SYNE1: variants seen among roughly 807,000 people sequenced by gnomAD.
SYNE1 encodes the protein nesprin-1.
A neutral mutation model predicts 1,111.0 loss-of-function variants in SYNE1; 616 were observed. The ratio of observed to expected loss-of-function variants is 0.55; its 90% CI spans 0.52 to 0.59. The LOEUF (loss-of-function observed/expected upper bound fraction) is 0.59, where lower values mean the gene tolerates loss of function less well. Among genes scored for constraint, SYNE1 ranks in the 20% least tolerant of loss-of-function variants. SYNE1 has a pLI of 0.00. For missense variants in SYNE1, 10,006 were observed against 10,417.0 expected, an observed-to-expected ratio of 0.96 and a Z score of 1.72; for synonymous variants, 3,855 against 3,825.8, an observed-to-expected ratio of 1.01 and a Z score of -0.28.
At chr6:152,458,114 T>C (rs1401105000) in intron 22 of SYNE1, among the ~76,000 whole-genome samples, 1 of 152,162 alleles carries the variant, frequency 6.6e-6, no homozygotes, top group African/African-American at 2.4e-5. Context: ...AAAAGTTTAA[T>C]GTAAATAAAT....
At chr6:152,134,984 G>A (rs1400264421) in intron 142 of SYNE1, 120 bp downstream of exon 142, 3 of 1,366,164 alleles carry the variant, frequency 2.2e-6, no homozygotes, top group Middle Eastern at 1.8e-4. Flanking sequence ...GTAAAGTAGA[G>A]ACTATAATGC....
rs751747080 is a variant in SYNE1 at position 152,309,863 on chromosome 6, G to T, written c.17174C>A (p.Thr5725Asn). 56 of 1,613,912 alleles carry T rather than the reference G, an allele frequency of 3.5e-5. No individual in the cohort carries two copies. In the Middle Eastern group the frequency reaches 1.8e-3, roughly 52 times the overall value. Residue 5725 changes from threonine (T) to asparagine (N), a missense_variant, in exon 90 of 146, where the codon ACC (threonine) becomes AAC (asparagine). Physicochemically the swap from Thr to Asn is moderately conservative, Grantham distance 65. Coordinates refer to ENST00000367255, the MANE Select transcript of SYNE1 (RefSeq NM_182961.4). ...CATGATGTTACACTGCTGGATGGCGGTGTGCTGCAGCCGGCTGGCCTCTTC... is the reference window on the plus strand; with the variant it reads ...CATGATGTTACACTGCTGGATGGCGTTGTGCTGCAGCCGGCTGGCCTCTTC... ...LQEEASRLQH[T>N]AIQQCNIMQE...
At chr6:152,180,880 C>T (rs953728011) in intron 128 of SYNE1, among the ~76,000 whole-genome samples, 18 of 152,036 alleles carry the variant, frequency 1.2e-4, no homozygotes, top group African/African-American at 3.1e-4. Flanking sequence ...AGGCAAGTTC[C>T]TCTACTTCTC....
intron 5 of SYNE1, among the ~76,000 whole-genome samples, chr6:152,523,377 T>C (rs570309757): frequency 1.6e-4 from 24 of 152,298 alleles, no homozygotes; most frequent in Middle Eastern, 6.8e-3. Context: ...TATTTGGCTT[T>C]ATTTCTGAGT....
chr6:152,132,802 A>G (rs2056135971), intron 143 of SYNE1, among the ~76,000 whole-genome samples: 1 of 152,196 alleles, frequency 6.6e-6, no homozygotes, highest in South Asian at 2.1e-4. Flanking sequence ...CTCAAAACCA[A>G]TAATACCACA....
intron 85 of SYNE1, 177 bp from the exon 86 acceptor site, chr6:152,318,440 T>G: frequency 7.1e-6 from 5 of 703,788 alleles, no homozygotes; most frequent in Non-Finnish European, 1.2e-5. Flanking sequence ...CAGGATATGT[T>G]GTAATGCTGG....
rs2056337983 is a variant in SYNE1 at position 152,133,498 on chromosome 6, C to T, written c.25789-10G>A. ...GCTCATGCTTTATTTGCTATGCATA[C>T]AAAAACAAATTAATTTTTCTAAGCA... On this transcript the variant is annotated splice_polypyrimidine_tract_variant and intron_variant, in intron 142 of 145. Coordinates refer to ENST00000367255, the MANE Select transcript of SYNE1 (RefSeq NM_182961.4). 1.2e-6 allele frequency: 2 copies of T among 1,613,524 alleles called. No homozygotes were observed. Among genetic ancestry groups the T allele is most frequent in the Non-Finnish European group, 8.5e-7 (1 of 1,179,606 alleles).
At chr6:152,367,828 A>G (rs77123160) in intron 61 of SYNE1, 9,784 of 208,118 alleles carry the variant, frequency 0.047, 1,001 homozygotes, top group African/African-American at 0.21. Flanking sequence ...GACCATACAC[A>G]TGGTTTTGTT....
intron 55 of SYNE1, 108 bp from the exon 56 acceptor site, chr6:152,381,470 A>C (rs2097414269): frequency 9.1e-7 from 1 of 1,095,836 alleles, no homozygotes; most frequent in African/African-American, 1.5e-5. Context: ...AGTTTTAACA[A>C]GTGTGCCACA....
At chr6:152,485,132 T>A (rs962170161) in intron 12 of SYNE1, among the ~76,000 whole-genome samples, 160 bp from the exon 13 acceptor site, 2 of 152,218 alleles carry the variant, frequency 1.3e-5, no homozygotes, top group African/African-American at 2.4e-5. Flanking sequence ...CAGCTGTCAT[T>A]CATCAAGCCC....
rs914557761 is a variant in SYNE1, at chr6:152,150,298, T to A, written c.24451-630A>T. On this transcript the variant is annotated intron_variant, in intron 135 of 145. Coordinates refer to ENST00000367255, the MANE Select transcript of SYNE1 (RefSeq NM_182961.4). ...GTTCACTTTTAATTCAATACAATAA[T>A]AAATTGTGGAAGAGCTGAATTGTCC... is the stretch of plus-strand genomic sequence containing the variant. 2.0e-5 allele frequency among the ~76,000 whole-genome samples: 3 copies of A among 152,326 alleles called. No individual in the cohort carries two copies. In the South Asian group the frequency reaches 6.2e-4, roughly 32 times the overall value.
chr6:152,198,046 A>C (rs924884738), intron 127 of SYNE1, among the ~76,000 whole-genome samples: 7 of 151,676 alleles, frequency 4.6e-5, no homozygotes, highest in African/African-American at 1.7e-4. Flanking sequence ...AGGAAGGTTA[A>C]AAGGAAAGAC....
chr6:152,586,026 A>G (rs935137582), intron 3 of SYNE1, among the ~76,000 whole-genome samples: 1 of 152,154 alleles, frequency 6.6e-6, no homozygotes, highest in Non-Finnish European at 1.5e-5. Flanking sequence ...AAATGATGAC[A>G]TGAATATTCT....
intron 62 of SYNE1, 142 bp from the exon 63 acceptor site, chr6:152,365,161 G>A (rs2154077405): frequency 9.6e-7 from 1 of 1,043,128 alleles, no homozygotes; most frequent in South Asian, 1.4e-5. Context: ...GACAGAGGGT[G>A]GGGAAGTGGC....
chr6:152,621,761 T>G (rs1362254269), intron 3 of SYNE1, among the ~76,000 whole-genome samples: 1 of 152,128 alleles, frequency 6.6e-6, no homozygotes, highest in African/African-American at 2.4e-5. Flanking sequence ...TTTCATAAAT[T>G]TATTAATAAA....
chr6:152,624,426 T>C (rs1483904587), intron 3 of SYNE1, among the ~76,000 whole-genome samples: 1 of 152,166 alleles, frequency 6.6e-6, no homozygotes, highest in African/African-American at 2.4e-5. Context: ...CTTAAAATGT[T>C]GTCACTATCT....
At chr6:152,348,685 C>CA (rs2096684518) in intron 72 of SYNE1, among the ~76,000 whole-genome samples, 1 of 147,466 alleles carries the variant, frequency 6.8e-6, no homozygotes, top group Non-Finnish European at 1.5e-5. Context: ...AACTCTGTCT[C>CA]AAAAAAATAA....
At chr6:152,432,178 TCA>T (rs1304370532) in intron 34 of SYNE1, among the ~76,000 whole-genome samples, 2 of 152,200 alleles carry the variant, frequency 1.3e-5, no homozygotes, top group Non-Finnish European at 2.9e-5. Flanking sequence ...GAATAAGAAC[TCA>T]GTCATTTGAA....
Position 152,233,804 on chromosome 6 carries a change from C to A in SYNE1, c.20689G>T (p.Ala6897Ser), listed in dbSNP as rs1390538559. The A allele has an allele frequency of 6.2e-7, 1 of 1,614,170 alleles. No individual in the cohort carries two copies. Among genetic ancestry groups the A allele is most frequent in the African/African-American group, 1.3e-5 (1 of 75,050 alleles). Residue 6897 changes from alanine (A) to serine (S), a missense_variant, in exon 112 of 146, where the codon GCC (alanine) becomes TCC (serine). Physicochemically the swap from Ala to Ser is moderately conservative, Grantham distance 99. Transcript: ENST00000367255. ...QWTDLLTNIP[A>S]VQEKLHQLQM... ...ACCTGGTGGAGCTTCTCCTGGACGG[C>A]TGGGATATTGGTTAGCAGGTCAGTC...
Sources: gnomAD v4.1 joint callset for allele counts (sites outside exome capture counted in the v4.1 genomes callset) on GRCh38, gnomAD v4.1.1 for gene constraint, MANE v1.5 for transcripts, NCBI Gene and HGNC (gene_info 2026-07-23, HGNC 2026-07-21) for gene names.